The following PAK3 variants were observed in gnomAD, a reference collection of about 807,000 sequenced individuals.
The protein encoded by PAK3 is p21 (RAC1) activated kinase 3.
In PAK3, 4 loss-of-function variants were observed where a neutral mutation model predicts 41.0. That is an observed-to-expected ratio of 0.10 (90% CI 0.05 to 0.22). PAK3 has a LOEUF of 0.22. Ranked by LOEUF, PAK3 falls within the 10% of genes least tolerant of loss-of-function variation. PAK3 has a pLI of 1.00. For missense variants in PAK3, 205 were observed against 409.9 expected (o/e 0.50, Z 4.32); for synonymous variants, 146 against 139.6 (o/e 1.05, Z -0.32).
At chrX:111,042,342 C>T (rs2092459787) in intron 1 of PAK3, among the ~76,000 whole-genome samples, 1 of 112,210 alleles carries the variant, frequency 8.9e-6, no homozygotes, top group East Asian at 2.8e-4. Flanking sequence ...CCATCTCCTG[C>T]TGCCCACCCA....
intron 1 of PAK3, among the ~76,000 whole-genome samples, chrX:110,990,767 T>C (rs1219036495): frequency 1.8e-5 from 2 of 110,885 alleles, no homozygotes; most frequent in Non-Finnish European, 3.8e-5. Flanking sequence ...GGCTCTCAGA[T>C]TATTGCTTAT....
intron 1 of PAK3, among the ~76,000 whole-genome samples, chrX:111,062,856 T>C (rs1444307038): frequency 3.1e-5 from 3 of 95,340 alleles, no homozygotes; most frequent in African/African-American, 7.3e-5. Context: ...TTTTTTTTTT[T>C]CTGCCTCAGA....
intron 1 of PAK3, among the ~76,000 whole-genome samples, chrX:111,032,023 G>T (rs2092346171): frequency 8.9e-6 from 1 of 111,798 alleles, no homozygotes; most frequent in Non-Finnish European, 1.9e-5. Context: ...GCACATAAAT[G>T]ACTACATCAC....
At chrX:111,017,612 A>G (rs1049590072) in intron 1 of PAK3, among the ~76,000 whole-genome samples, 9 of 112,036 alleles carry the variant, frequency 8.0e-5, no homozygotes, top group Non-Finnish European at 1.1e-4. Context: ...AATAATTTAA[A>G]GGAAGAAAAG....
rs184310396 is a variant in PAK3, at chrX:110,954,897, C to T, written c.-28+10269C>T. Among the ~76,000 whole-genome samples, 82 of 111,152 alleles carry T rather than the reference C, an allele frequency of 7.4e-4. 2 individuals carry two copies. The highest frequency in any genetic ancestry group is 2.5e-3 in the African/African-American group (76 of 30,592). On this transcript the variant is annotated intron_variant, in intron 1 of 14. Transcript: ENST00000425146. Reference sequence around the variant, plus strand: ...AGACTAGTGCCAAGGGTATAGAGGACCTCTGGGAGGCAGGGAGTGACTTCC... The same window carrying T: ...AGACTAGTGCCAAGGGTATAGAGGATCTCTGGGAGGCAGGGAGTGACTTCC...
chrX:110,954,875 C>T (rs1226003842), intron 1 of PAK3, among the ~76,000 whole-genome samples: 1 of 111,240 alleles, frequency 9.0e-6, no homozygotes, highest in Non-Finnish European at 1.9e-5. Flanking sequence ...CAGCAGGAGA[C>T]TAGTGCCAAG....
chrX:111,193,539 G>A (rs1252189188), intron 13 of PAK3, among the ~76,000 whole-genome samples: 2 of 108,851 alleles, frequency 1.8e-5, no homozygotes, highest in Non-Finnish European at 3.8e-5. Context: ...TAGTAGAGAC[G>A]GGGTTTCGCC....
intron 1 of PAK3, among the ~76,000 whole-genome samples, chrX:111,006,775 C>T (rs1360459180): frequency 9.1e-6 from 1 of 109,527 alleles, no homozygotes; most frequent in Non-Finnish European, 1.9e-5. Context: ...GTTTCTGATT[C>T]GGAAAGTCTG....
At chrX:111,085,713 T>G (rs948878249) in intron 1 of PAK3, among the ~76,000 whole-genome samples, 2 of 111,915 alleles carry the variant, frequency 1.8e-5, no homozygotes, top group East Asian at 5.6e-4. Flanking sequence ...TGCAGTGGTG[T>G]CTACATTTTC....
chrX:111,134,644 G>A (rs112165246), intron 5 of PAK3, among the ~76,000 whole-genome samples: 2,552 of 111,464 alleles, frequency 0.023, 37 homozygotes, highest in Non-Finnish European at 0.039. Flanking sequence ...TGTGATAAGT[G>A]TAATATGTAG....
At chrX:111,004,259 G>A (rs765860250) in intron 1 of PAK3, among the ~76,000 whole-genome samples, 2 of 111,850 alleles carry the variant, frequency 1.8e-5, no homozygotes, top group African/African-American at 6.5e-5. Flanking sequence ...GTAGTAGGAG[G>A]ATGAATGGGA....
chrX:111,146,547 C>A, intron 6 of PAK3: 1 of 1,145,091 alleles, frequency 8.7e-7, no homozygotes, highest in Non-Finnish European at 1.2e-6. Context: ...CACAGATGTG[C>A]CCAGGGAAGC....
At chrX:111,050,001 T>C (rs977500708) in intron 1 of PAK3, among the ~76,000 whole-genome samples, 1 of 110,520 alleles carries the variant, frequency 9.0e-6, no homozygotes, top group African/African-American at 3.3e-5. Flanking sequence ...GCCATGAGAG[T>C]TCAAAGCAAT....
chrX:111,105,065 C>G (rs2093227289), intron 4 of PAK3, among the ~76,000 whole-genome samples: 1 of 111,884 alleles, frequency 8.9e-6, no homozygotes, highest in Non-Finnish European at 1.9e-5. Flanking sequence ...ACTTTTCATA[C>G]TGGAGTCATT....
intron 10 of PAK3, among the ~76,000 whole-genome samples, chrX:111,172,721 G>C (rs188077006): frequency 2.3e-3 from 259 of 110,758 alleles, no homozygotes; most frequent in Non-Finnish European, 4.3e-3. Flanking sequence ...ATGTTGGGTT[G>C]TGACAAGTTT....
At chrX:110,953,191 C>CA (rs1410973056) in intron 1 of PAK3, among the ~76,000 whole-genome samples, 1 of 111,180 alleles carries the variant, frequency 9.0e-6, no homozygotes, top group African/African-American at 3.3e-5. Flanking sequence ...ATACTTAATC[C>CA]AAAAATAAAA....
intron 11 of PAK3, among the ~76,000 whole-genome samples, chrX:111,181,734 ATTT>A (rs755826208): frequency 0.018 from 1,700 of 95,945 alleles, 40 homozygotes; most frequent in African/African-American, 0.061. Flanking sequence ...AAAACCTCTG[ATTT>A]TTTTTTTTTT....
chrX:110,979,912 G>A (rs1228634028), intron 1 of PAK3, among the ~76,000 whole-genome samples: 1 of 111,930 alleles, frequency 8.9e-6, no homozygotes, highest in East Asian at 2.8e-4. Context: ...ATATCTGGAG[G>A]TTCTGTGGAT....
intron 1 of PAK3, among the ~76,000 whole-genome samples, chrX:111,075,969 T>C (rs992055610): frequency 1.3e-4 from 15 of 112,822 alleles, no homozygotes; most frequent in Admixed American, 2.8e-4. Flanking sequence ...TAGACTTGCA[T>C]GGGGCCTATT....
Sources: allele counts gnomAD v4.1 joint callset (sites outside exome capture counted in the v4.1 genomes callset), GRCh38; gene constraint gnomAD v4.1.1; transcripts MANE v1.5; gene names NCBI Gene and HGNC (gene_info 2026-07-23, HGNC 2026-07-21).